Variants in ACRV1 observed in about 807,000 individuals in gnomAD.
ACRV1 encodes acrosomal protein SP-10.
Under a neutral mutation model 29.2 loss-of-function variants are expected in ACRV1, and 17 were observed. The ratio of observed to expected loss-of-function variants is 0.58; its 90% CI spans 0.40 to 0.87. The LOEUF (loss-of-function observed/expected upper bound fraction) is 0.87, where lower values mean the gene tolerates loss of function less well. ACRV1 is among the 40% of genes least tolerant of loss of function. The pLI is 0.00. For missense variants in ACRV1, 294 were observed against 316.0 expected, an observed-to-expected ratio of 0.93 and a Z score of 0.53; for synonymous variants, 98 against 111.6, an observed-to-expected ratio of 0.88 and a Z score of 0.77.
Position 125,671,910 on chromosome 11 carries a change from A to G in ACRV1, c.*683T>C, listed in dbSNP as rs1942212815. The G allele has an allele frequency of 6.6e-6, 1 of 152,242 alleles. No individual in the cohort carries two copies. The highest frequency in any genetic ancestry group is 1.5e-5 in the Non-Finnish European group (1 of 68,062). The allele number at this position is 152,242 out of a possible 1,614,324, so 9.4% of individuals were successfully genotyped here. On this transcript the variant is annotated 3_prime_UTR_variant, in exon 4 of 4. Transcript: ENST00000533904. Reference sequence around the variant, plus strand: ...GTTTAGTATTTCCATTTGCCCTCCTATCCTGTATAGATGATTCAGTAACAT... The same window carrying G: ...GTTTAGTATTTCCATTTGCCCTCCTGTCCTGTATAGATGATTCAGTAACAT...
intron 3 of ACRV1, among the ~76,000 whole-genome samples, chr11:125,673,198 CTTTCTTTTCT>C (rs140314927): frequency 7.5e-6 from 1 of 133,172 alleles, no homozygotes; most frequent in Non-Finnish European, 1.6e-5. Context: ...GGACTACACC[CTTTCTTTTCT>C]TTTCTTTTTT....
In ACRV1 at chr11:125,679,859, C is replaced by G. The variant is rs969910615; in HGVS notation, c.52+870G>C. On this transcript the variant is annotated intron_variant, in intron 1 of 3. Coordinates refer to ENST00000533904, the MANE Select transcript of ACRV1 (RefSeq NM_001612.6). ...AAAGGAAAGGTAAGATTTAGTAAAG[C>G]TTTTAGGAGGTTTTTATTTTTTAAA... Among the ~76,000 whole-genome samples the G allele has an allele frequency of 3.9e-5, 6 of 152,138 alleles. No individual in the cohort carries two copies. In the East Asian group the frequency reaches 1.2e-3, roughly 29 times the overall value.
Position 125,679,508 on chromosome 11 carries a change from GTGTC to G in ACRV1, c.53-1215_53-1212del, listed in dbSNP as rs537861542. Among the ~76,000 whole-genome samples, 185 of 152,290 alleles carry G rather than the reference GTGTC, an allele frequency of 1.2e-3. 2 individuals are homozygous for G. Among genetic ancestry groups the G allele is most frequent in the Non-Finnish European group, 1.4e-3 (93 of 68,018 alleles). On this transcript the variant is annotated intron_variant, in intron 1 of 3. Transcript: ENST00000533904. The stretch of plus-strand genomic sequence containing the variant: ...GCTGGGATTACAGGCATGAGCCACT[GTGTC>G]TGGCCAATCCATCTCATCATTGACT...
Position 125,675,531 on chromosome 11 carries a change from G to T in ACRV1, c.673+828C>A, listed in dbSNP as rs116628564. On this transcript the variant is annotated intron_variant, in intron 3 of 3. Transcript: ENST00000533904. ...GAAAAACTACAAGAGGAGTCAGGCA[G>T]TGTGGTTCCTGGGATGGAAATAACC... Among the ~76,000 whole-genome samples, 872 of 152,322 alleles carry T rather than the reference G, an allele frequency of 5.7e-3. 9 individuals are homozygous for T. Among genetic ancestry groups the T allele is most frequent in the African/African-American group, 0.019 (783 of 41,560 alleles).
chr11:125,673,659 A>G (rs995406545), intron 3 of ACRV1, among the ~76,000 whole-genome samples: 6 of 152,218 alleles, frequency 3.9e-5, no homozygotes, highest in Non-Finnish European at 1.5e-5. Context: ...AAGGGCATCT[A>G]AAACTTACTA....
chr11:125,673,995 C>T (rs1350974608), intron 3 of ACRV1, among the ~76,000 whole-genome samples: 1 of 152,048 alleles, frequency 6.6e-6, no homozygotes. Flanking sequence ...ACTGTCCCTG[C>T]TAAAAATACA....
intron 3 of ACRV1, 169 bp downstream of exon 3, chr11:125,676,190 G>C (rs1220873059): frequency 6.0e-6 from 5 of 835,324 alleles, no homozygotes; most frequent in Non-Finnish European, 9.0e-6. Flanking sequence ...TTTTAGGTGT[G>C]AGCCACCTCG....
At chr11:125,676,815 T>A (rs1229862745) in intron 2 of ACRV1, among the ~76,000 whole-genome samples, 1 of 152,176 alleles carries the variant, frequency 6.6e-6, no homozygotes, top group Non-Finnish European at 1.5e-5. Flanking sequence ...GTGATTTTCA[T>A]CTCCCTTTTG....
chr11:125,677,640 A>G (rs533485144), intron 2 of ACRV1, among the ~76,000 whole-genome samples, 157 bp downstream of exon 2: 4 of 152,258 alleles, frequency 2.6e-5, no homozygotes, highest in Admixed American at 2.6e-4. Flanking sequence ...GCCTCTTGGT[A>G]TGATTGTGAC....
intron 3 of ACRV1, among the ~76,000 whole-genome samples, chr11:125,673,507 T>C (rs1310087327): frequency 6.6e-6 from 1 of 152,108 alleles, no homozygotes; most frequent in Non-Finnish European, 1.5e-5. Flanking sequence ...GGCCTGAAAC[T>C]ACACCCTTTC....
At chr11:125,680,701 T>C (rs1942757261) in intron 1 of ACRV1, 28 bp downstream of exon 1, 1 of 1,604,902 alleles carries the variant, frequency 6.2e-7, no homozygotes, top group African/African-American at 1.3e-5. Context: ...CCTTTTGTAT[T>C]TACCTGAAGC....
At chr11:125,675,475 A>T (rs968307911) in intron 3 of ACRV1, among the ~76,000 whole-genome samples, 2 of 152,244 alleles carry the variant, frequency 1.3e-5, no homozygotes, top group African/African-American at 4.8e-5. Flanking sequence ...GCATGTAGAA[A>T]TAGGAAAATG....
chr11:125,672,635 T>C lies in ACRV1; in HGVS notation c.756A>G (p.Gln252=). The C allele has an allele frequency of 6.2e-7, 1 of 1,614,124 alleles. No homozygotes were observed. Residue 252 remains glutamine (Q), a synonymous_variant, in exon 4 of 4, where the codon CAA becomes CAG. Coordinates refer to ENST00000533904, the MANE Select transcript of ACRV1 (RefSeq NM_001612.6). ...MNLFSHGTRM[Q]IICCRNQSFC... Reference sequence around the variant, plus strand: ...AAGATTGATTTCGACAGCATATAATTTGCATCCTCGTTCCATGGGAGAAGA... The same window carrying C: ...AAGATTGATTTCGACAGCATATAATCTGCATCCTCGTTCCATGGGAGAAGA...
intron 2 of ACRV1, 59 bp downstream of exon 2, chr11:125,677,738 A>G: frequency 6.3e-7 from 1 of 1,596,162 alleles, no homozygotes; most frequent in Non-Finnish European, 8.6e-7. Flanking sequence ...GGTTTTCTTG[A>G]TGTGTTCCCC....
In ACRV1 at chr11:125,674,443, G is replaced by A. The variant is rs565008709; in HGVS notation, c.674-1726C>T. Among the ~76,000 whole-genome samples, 10 of 152,190 alleles carry A rather than the reference G, an allele frequency of 6.6e-5. 1 individual carries two copies. The South Asian group carries it at 1.7e-3, about 25-fold the overall frequency. The stretch of plus-strand genomic sequence containing the variant: ...AATTTCAGGCTGAAGCATAACTGGA[G>A]AAAACATGAAAACATGAAACTGTTC... On this transcript the variant is annotated intron_variant, in intron 3 of 3. Transcript: ENST00000533904.
At chr11:125,673,712 GT>G (rs1397790410) in intron 3 of ACRV1, among the ~76,000 whole-genome samples, 4 of 152,164 alleles carry the variant, frequency 2.6e-5, no homozygotes, top group Non-Finnish European at 5.9e-5. Flanking sequence ...AAACCTGCTT[GT>G]TTTTGTGAGT....
chr11:125,677,825 T>C lies in ACRV1; in HGVS notation c.525A>G (p.Ser175=). The C allele has an allele frequency of 6.2e-7, 1 of 1,614,212 alleles. No homozygotes were observed. The highest frequency in any genetic ancestry group is 1.1e-5 in the South Asian group (1 of 91,084). Residue 175 remains serine, a synonymous_variant, in exon 2 of 4, where the codon TCA becomes TCG. Coordinates refer to ENST00000533904, the MANE Select transcript of ACRV1 (RefSeq NM_001612.6). ...SGEHASGEQA[S]GAPISSTSTG... is the part of the protein sequence containing the mutation. ...TAGATGTGCTTGAAATTGGTGCACCTGAAGCCTGTTCCCCTGAAGCGTGCT... is the reference window on the plus strand; with the variant it reads ...TAGATGTGCTTGAAATTGGTGCACCCGAAGCCTGTTCCCCTGAAGCGTGCT...
intron 3 of ACRV1, among the ~76,000 whole-genome samples, chr11:125,674,779 TATC>T (rs552783953): frequency 4.5e-4 from 68 of 152,316 alleles, no homozygotes; most frequent in African/African-American, 1.4e-3. Flanking sequence ...TTAAAATGCA[TATC>T]ATACTGTCTG....
chr11:125,680,178 T>G (rs553183040), intron 1 of ACRV1, among the ~76,000 whole-genome samples: 1 of 152,322 alleles, frequency 6.6e-6, no homozygotes, highest in African/African-American at 2.4e-5. Flanking sequence ...CATGGCCTCT[T>G]TCTGCTGTAG....
Sources: gnomAD v4.1 joint callset for allele counts (sites outside exome capture counted in the v4.1 genomes callset) on GRCh38, gnomAD v4.1.1 for gene constraint, MANE v1.5 for transcripts, NCBI Gene and HGNC (gene_info 2026-07-23, HGNC 2026-07-21) for gene names.